Variants in VPS13B observed in about 807,000 individuals in gnomAD.
The protein encoded by VPS13B is intermembrane lipid transfer protein VPS13B.
Under a neutral mutation model 426.4 loss-of-function variants are expected in VPS13B, and 285 were observed. The observed-to-expected ratio is 0.67, with a 90% CI of 0.61 to 0.74. VPS13B has a LOEUF of 0.74. Ranked by LOEUF, VPS13B falls within the 30% of genes least tolerant of loss-of-function variation. The pLI is 0.00. For missense variants in VPS13B, 4,537 were observed against 4,782.6 expected, an observed-to-expected ratio of 0.95 and a Z score of 1.51; for synonymous variants, 1,676 against 1,676.4, an observed-to-expected ratio of 1.00 and a Z score of 0.01.
At chr8:99,459,964 G>C (rs565408250) in intron 23 of VPS13B, among the ~76,000 whole-genome samples, 1 of 152,126 alleles carries the variant, frequency 6.6e-6, no homozygotes, top group African/African-American at 2.4e-5. Context: ...CCTTTTTCCA[G>C]CTTTTTACGT....
chr8:99,151,270 G>C (rs1378224195), intron 14 of VPS13B, among the ~76,000 whole-genome samples: 1 of 152,050 alleles, frequency 6.6e-6, no homozygotes, highest in Non-Finnish European at 1.5e-5. Context: ...TATATTTTGG[G>C]TAACAGTCCT....
intron 17 of VPS13B, among the ~76,000 whole-genome samples, chr8:99,205,784 T>G (rs1588140038): frequency 6.6e-6 from 1 of 152,296 alleles, no homozygotes; most frequent in East Asian, 1.9e-4. Flanking sequence ...TTAAATATCA[T>G]CCCGCAGCTA....
chr8:99,424,493 G>C (rs1020614366), intron 21 of VPS13B: 2 of 152,148 alleles, frequency 1.3e-5, no homozygotes, highest in Non-Finnish European at 2.9e-5. Context: ...CAGAAATAAA[G>C]ATGTTCTTTG....
intron 14 of VPS13B, among the ~76,000 whole-genome samples, chr8:99,149,346 C>T (rs1032295039): frequency 6.6e-6 from 1 of 152,314 alleles, no homozygotes; most frequent in Admixed American, 6.5e-5. Context: ...GAGACAGAGT[C>T]TCGCTCTGTT....
intron 33 of VPS13B, among the ~76,000 whole-genome samples, chr8:99,590,281 A>G (rs892814308): frequency 2.0e-5 from 3 of 152,048 alleles, no homozygotes; most frequent in Non-Finnish European, 2.9e-5. Context: ...CTTTTCAAAA[A>G]ACTAGCTTCT....
chr8:99,030,881 A>C (rs1842479438), intron 2 of VPS13B, among the ~76,000 whole-genome samples: 1 of 152,182 alleles, frequency 6.6e-6, no homozygotes, highest in South Asian at 2.1e-4. Flanking sequence ...TTTGATACTA[A>C]TTTAATAATT....
At chr8:99,646,595 A>G (rs1229501114) in intron 34 of VPS13B, among the ~76,000 whole-genome samples, 2 of 152,146 alleles carry the variant, frequency 1.3e-5, no homozygotes, top group African/African-American at 2.4e-5. Context: ...ATTTTTGCAC[A>G]TATGTATGAT....
intron 35 of VPS13B, among the ~76,000 whole-genome samples, chr8:99,686,055 C>G (rs1201089889): frequency 6.6e-6 from 1 of 152,100 alleles, no homozygotes; most frequent in Non-Finnish European, 1.5e-5. Context: ...GTCACTGCAG[C>G]CATATCTGCA....
intron 40 of VPS13B, among the ~76,000 whole-genome samples, chr8:99,774,084 G>C (rs1196550574): frequency 1.3e-5 from 2 of 152,038 alleles, no homozygotes; most frequent in Non-Finnish European, 2.9e-5. Flanking sequence ...TACTTTTATA[G>C]TATATAATGG....
chr8:99,361,680 T>C (rs1812566576), intron 19 of VPS13B, among the ~76,000 whole-genome samples: 1 of 152,202 alleles, frequency 6.6e-6, no homozygotes, highest in South Asian at 2.1e-4. Context: ...TCTTGGAAGA[T>C]TGTTTTGTAG....
At chr8:99,140,511 A>G (rs904913157) in intron 12 of VPS13B, among the ~76,000 whole-genome samples, 9 of 151,910 alleles carry the variant, frequency 5.9e-5, no homozygotes, top group Non-Finnish European at 1.2e-4. Flanking sequence ...TTCCTCTGCT[A>G]CTATTTGGTA....
intron 31 of VPS13B, among the ~76,000 whole-genome samples, chr8:99,567,400 C>T (rs979749502): frequency 2.4e-4 from 37 of 151,072 alleles, no homozygotes; most frequent in African/African-American, 8.5e-4. Flanking sequence ...AATAAATAGA[C>T]GTAGCACTTG....
intron 23 of VPS13B, among the ~76,000 whole-genome samples, chr8:99,457,948 G>T (rs1818578749): frequency 1.3e-5 from 2 of 151,576 alleles, no homozygotes; most frequent in Non-Finnish European, 2.9e-5. Flanking sequence ...TAAGTTTTAG[G>T]GTACATGTGC....
intron 30 of VPS13B, among the ~76,000 whole-genome samples, chr8:99,533,017 G>A (rs1443347280): frequency 6.9e-6 from 1 of 145,716 alleles, no homozygotes; most frequent in African/African-American, 2.6e-5. Flanking sequence ...TTGGCTCACT[G>A]CAGCCTCCAC....
At chr8:99,332,493 C>G (rs1810598933) in intron 19 of VPS13B, among the ~76,000 whole-genome samples, 1 of 151,398 alleles carries the variant, frequency 6.6e-6, no homozygotes, top group Non-Finnish European at 1.5e-5. Flanking sequence ...TTTATATATT[C>G]TGAAGAATTA....
chr8:99,117,168 A>G (rs1295600552), intron 7 of VPS13B, among the ~76,000 whole-genome samples: 1 of 152,216 alleles, frequency 6.6e-6, no homozygotes, highest in Admixed American at 6.5e-5. Flanking sequence ...AAATAACCCA[A>G]TTAAAAATGG....
At chr8:99,103,525 G>T (rs190966814) in intron 5 of VPS13B, among the ~76,000 whole-genome samples, 89 of 119,200 alleles carry the variant, frequency 7.5e-4, no homozygotes, top group African/African-American at 2.8e-3. Flanking sequence ...TTGAGATGGA[G>T]TCTTGCTCTG....
intron 16 of VPS13B, among the ~76,000 whole-genome samples, chr8:99,189,996 T>TA (rs992798976): frequency 7.4e-4 from 113 of 152,314 alleles, no homozygotes; most frequent in African/African-American, 2.6e-3. Flanking sequence ...ATTCTTTACT[T>TA]ACGGTCTATT....
Position 99,467,492 on chromosome 8 carries a change from T to C in VPS13B, c.3524T>C (p.Leu1175Pro). The C allele has an allele frequency of 6.2e-7, 1 of 1,613,854 alleles. No homozygotes were observed. Among genetic ancestry groups the C allele is most frequent in the Non-Finnish European group, 8.5e-7 (1 of 1,179,804 alleles). ...CTTGGAAAACAAGTGACACTTTGCCTAGTGGAACCTATGGGTTGCACCTCC... is the reference window on the plus strand; with the variant it reads ...CTTGGAAAACAAGTGACACTTTGCCCAGTGGAACCTATGGGTTGCACCTCC... ...TLLGKQVTLCLVEPMGCTSTL... is the reference protein window; with the variant it reads ...TLLGKQVTLCPVEPMGCTSTL... Residue 1175 changes from leucine (L) to proline (P), a missense_variant, in exon 24 of 62, where the codon CTA becomes CCA. Physicochemically the swap from Leu to Pro is moderately conservative, Grantham distance 98. This residue lies in a region of VPS13B where 4,311 missense variants were observed against 4,474.3 expected (regional missense o/e 0.96). Transcript: ENST00000357162.
Sources: gnomAD v4.1 joint callset for allele counts (sites outside exome capture counted in the v4.1 genomes callset) on GRCh38, gnomAD v4.1.1 for gene constraint, gnomAD v4.1.1 regional missense constraint, MANE v1.5 for transcripts, NCBI Gene and HGNC (gene_info 2026-07-23, HGNC 2026-07-21) for gene names.